The following MACF1 variants were observed in gnomAD, a reference collection of about 807,000 sequenced individuals.
The protein encoded by MACF1 is microtubule actin crosslinking factor 1.
In MACF1, 193 loss-of-function variants were observed where a neutral mutation model predicts 854.8. The ratio of observed to expected loss-of-function variants is 0.23; its 90% confidence interval spans 0.20 to 0.25. The LOEUF is 0.25. Among genes scored for constraint, MACF1 ranks in the 10% least tolerant of loss-of-function variants. MACF1 has a pLI of 1.00. For synonymous variants in MACF1, 3,185 were observed against 3,226.7 expected, an observed-to-expected ratio of 0.99 and a Z score of 0.44; for missense variants, 7,722 against 8,929.1, an observed-to-expected ratio of 0.86 and a Z score of 5.45.
chr1:39,369,958 A>T, intron 50 of MACF1, 72 bp from the exon 51 acceptor site: 3 of 1,386,402 alleles, frequency 2.2e-6, no homozygotes, highest in Non-Finnish European at 3.0e-6. Context: ...GAGTCACAGA[A>T]TGAACTACTC....
intron 21 of MACF1, among the ~76,000 whole-genome samples, chr1:39,299,782 A>G (rs1646003403): frequency 6.6e-6 from 1 of 152,234 alleles, no homozygotes; most frequent in Non-Finnish European, 1.5e-5. Context: ...AGCTTCTCCT[A>G]AGCAGAAAGG....
chr1:39,385,694 A>G lies in MACF1; in HGVS notation c.14109A>G (p.Gly4703=). The change falls in exon 57 of 101, where the codon GGA becomes GGG. Residue 4703 remains glycine (G), a synonymous_variant. Coordinates refer to ENST00000564288, the MANE Select transcript of MACF1 (RefSeq NM_001394062.1). ...TATCAGAGAAGGTGAGGGCAGTTGGACAACGGCTGAGTGTCCAGTCAGCTA... is the reference window on the plus strand; with the variant it reads ...TATCAGAGAAGGTGAGGGCAGTTGGGCAACGGCTGAGTGTCCAGTCAGCTA... ...QDLSEKVRAV[G]QRLSVQSAIS... The G allele has an allele frequency of 1.2e-6, 2 of 1,614,208 alleles. No individual in the cohort carries two copies. Among genetic ancestry groups the G allele is most frequent in the Non-Finnish European group, 1.7e-6 (2 of 1,180,028 alleles).
At chr1:39,454,168 T>C (rs1470295902) in intron 88 of MACF1, among the ~76,000 whole-genome samples, 3 of 152,240 alleles carry the variant, frequency 2.0e-5, no homozygotes, top group Admixed American at 2.0e-4. Flanking sequence ...GGTCCACTTA[T>C]ATGCGGTTAT....
intron 58 of MACF1, among the ~76,000 whole-genome samples, chr1:39,419,952 G>A (rs1029007474): frequency 6.6e-6 from 1 of 152,156 alleles, no homozygotes; most frequent in South Asian, 2.1e-4. Context: ...ACAGGCATGA[G>A]CCACTTGCCT....
At chr1:39,292,876 C>T in intron 17 of MACF1, 33 bp downstream of exon 17, 4 of 1,556,388 alleles carry the variant, frequency 2.6e-6, no homozygotes, top group South Asian at 2.3e-5. Flanking sequence ...ACATTCTGCT[C>T]ATAGAGTCTG....
At chr1:39,431,599 T>C (rs599823) in intron 66 of MACF1, among the ~76,000 whole-genome samples, 28,070 of 152,100 alleles carry the variant, frequency 0.18, 4,347 homozygotes, top group African/African-American at 0.43. Context: ...TATTTCAATA[T>C]GAAATGTATT....
chr1:39,429,206 C>T, intron 63 of MACF1, 36 bp from the exon 64 acceptor site: 5 of 1,082,842 alleles, frequency 4.6e-6, no homozygotes, highest in Non-Finnish European at 5.6e-6. Flanking sequence ...TTTGTAGTGC[C>T]ACAGTTTCAG....
chr1:39,447,488 A>G lies in MACF1; in HGVS notation c.19662A>G (p.Glu6554=). 3 of 1,614,170 alleles carry G rather than the reference A, an allele frequency of 1.9e-6. No homozygotes were observed. Among genetic ancestry groups the G allele is most frequent in the Non-Finnish European group, 2.5e-6 (3 of 1,180,010 alleles). Residue 6554 remains glutamate (E), a synonymous_variant, in exon 81 of 101, where the codon GAA becomes GAG. Transcript: ENST00000564288. ...LATEFQNSLQ[E]FINWLTLAEQ... The stretch of plus-strand genomic sequence containing the variant: ...CAGAATTCCAGAATTCCCTACAAGA[A>G]TTTATCAACTGGCTCACTCTAGCAG...
chr1:39,375,111 AAAATAAAT>A (rs567767237), intron 52 of MACF1, among the ~76,000 whole-genome samples: 5 of 151,764 alleles, frequency 3.3e-5, no homozygotes, highest in African/African-American at 1.2e-4. Flanking sequence ...CTCCATCTCA[AAAATAAAT>A]AAATAAATAA....
At chr1:39,485,517 T>G (rs771748663) in intron 100 of MACF1, 21 bp from the exon 101 acceptor site, 1 of 1,595,246 alleles carries the variant, frequency 6.3e-7, no homozygotes, top group Non-Finnish European at 8.5e-7. Flanking sequence ...TTAAGTCTGC[T>G]GTTTTATTCT....
rs922377281 is a variant in MACF1, at chr1:39,269,783, T to G, written c.528+11755T>G. 9.4e-5 allele frequency: 113 copies of G among 1,203,100 alleles called. 1 individual carries two copies. The highest frequency in any genetic ancestry group is 1.2e-4 in the Non-Finnish European group (109 of 930,168). 74.5% of individuals were successfully genotyped at this position (1,203,100 alleles called of 1,614,324 possible). A position where few individuals can be genotyped will look rare whatever the true frequency, so the allele number is the denominator to read the frequency against. ...TTGGATTCTTGGCCCTCAAACATAT[T>G]AAAGCTGAGTGTGGTGAGCAGTGAG... is the stretch of plus-strand genomic sequence containing the variant. On this transcript the variant is annotated intron_variant, in intron 6 of 100. Transcript: ENST00000564288.
Position 39,388,480 on chromosome 1 carries a change from C to T in MACF1, c.15638C>T (p.Thr5213Ile). Residue 5213 changes from threonine to isoleucine, a missense_variant, in exon 58 of 101, where the codon ACA becomes ATA. Physicochemically the swap from Thr to Ile is moderately conservative, Grantham distance 89. Around this residue, in one of 15 missense-constraint regions of MACF1, gnomAD observed 2,807 missense variants for 3,235.8 expected, o/e 0.87. Transcript: ENST00000564288. ...CTGAACAAACAGTGTGGCAAACTGA[C>T]AGAGAGGGGGAAAGCTCGTCAGGAA... ...EALNKQCGKL[T>I]ERGKARQEQL... is the part of the protein sequence containing the mutation. 1 of 1,614,076 alleles carries T rather than the reference C, an allele frequency of 6.2e-7. No individual in the cohort carries two copies. The highest frequency in any genetic ancestry group is 8.5e-7 in the Non-Finnish European group (1 of 1,180,004).
At chr1:39,126,839 G>C (rs1642871938) in intron 2 of MACF1, among the ~76,000 whole-genome samples, 1 of 152,054 alleles carries the variant, frequency 6.6e-6, no homozygotes, top group African/African-American at 2.4e-5. Context: ...AAATGGTTTA[G>C]TCACTTTGTA....
intron 66 of MACF1, among the ~76,000 whole-genome samples, chr1:39,431,922 G>T (rs898536975): frequency 5.3e-5 from 8 of 152,174 alleles, no homozygotes; most frequent in African/African-American, 1.9e-4. Context: ...CCTGCAGTGA[G>T]CTATGATTGT....
chr1:39,434,621 G>A lies in MACF1; in HGVS notation c.17773G>A (p.Glu5925Lys). ...TCATGAGCAGCTCAGGCAGCAACAA[G>A]AGGAAATGAGGGTAAGGAGCATGCC... ...IDHEQLRQQQ[E>K]EMRQLRESIA... The change falls in exon 69 of 101, where the codon GAG becomes AAG. Residue 5925 changes from glutamate (E) to lysine (K), a missense_variant. By Grantham distance (56) the Glu-to-Lys change is moderately conservative. This residue lies in a region of MACF1 where 2,807 missense variants were observed against 3,235.8 expected (regional missense o/e 0.87). Transcript: ENST00000564288. 6.2e-7 allele frequency: 1 copy of A among 1,614,042 alleles called. No individual in the cohort carries two copies. Among genetic ancestry groups the A allele is most frequent in the African/African-American group, 1.3e-5 (1 of 75,060 alleles).
intron 15 of MACF1, among the ~76,000 whole-genome samples, chr1:39,290,967 G>T (rs1234816979): frequency 6.6e-6 from 1 of 150,726 alleles, no homozygotes; most frequent in Non-Finnish European, 1.5e-5. Context: ...GAGCCATTAT[G>T]CCCAGTCTCA....
intron 21 of MACF1, 130 bp from the exon 22 acceptor site, chr1:39,300,080 T>A: frequency 1.1e-6 from 1 of 898,516 alleles, no homozygotes; most frequent in Non-Finnish European, 1.7e-6. Context: ...TTAAGATGGC[T>A]CCACCAACCA....
rs200977707 is a variant in MACF1 at position 39,480,957 on chromosome 1, G to C, written c.22208G>C (p.Trp7403Ser). Residue 7403 changes from tryptophan to serine, a missense_variant, in exon 99 of 101, where the codon TGG becomes TCG. Trp to Ser is a radical substitution (Grantham distance 177). Coordinates refer to ENST00000564288, the MANE Select transcript of MACF1 (RefSeq NM_001394062.1). ...LQFSRCYDKPWLVNSKAGTPI... is the reference protein window; with the variant it reads ...LQFSRCYDKPSLVNSKAGTPI... ...TTCTCTCGCTGTTATGACAAACCCT[G>C]GTTGGTAAACAGTAAAGCTGGCACC... 1.3e-6 allele frequency: 2 copies of C among 1,550,848 alleles called. No homozygotes were observed. The highest frequency in any genetic ancestry group is 4.9e-5 in the East Asian group (2 of 40,912).
chr1:39,404,694 C>T (rs904875451), intron 58 of MACF1, among the ~76,000 whole-genome samples: 4 of 152,156 alleles, frequency 2.6e-5, no homozygotes, highest in East Asian at 1.9e-4. Context: ...AATGTTGCTT[C>T]GGCTAGTCTT....
Sources: allele counts gnomAD v4.1 joint callset (sites outside exome capture counted in the v4.1 genomes callset), GRCh38; gene constraint gnomAD v4.1.1; regional missense constraint gnomAD v4.1.1; transcripts MANE v1.5; gene names NCBI Gene and HGNC (gene_info 2026-07-23, HGNC 2026-07-21).